PARVG: variants seen among roughly 807,000 people sequenced by gnomAD.
PARVG encodes gamma-parvin.
PARVG carries 36 observed loss-of-function variants against 44.4 expected under a neutral mutation model. The observed-to-expected ratio is 0.81, with a 90% confidence interval of 0.62 to 1.07. The LOEUF (loss-of-function observed/expected upper bound fraction) is 1.07, where lower values mean the gene tolerates loss of function less well. PARVG is among the 50% of genes least tolerant of loss of function. PARVG has a pLI of 0.00. For synonymous variants in PARVG, 170 were observed against 174.1 expected (o/e 0.98, Z 0.19); for missense variants, 407 against 407.4 (o/e 1.00, Z 0.01).
intron 6 of PARVG, among the ~76,000 whole-genome samples, chr22:44,189,683 G>C (rs1051458627): frequency 6.6e-6 from 1 of 152,184 alleles, no homozygotes. Flanking sequence ...TTGGGAGGCC[G>C]AGGCGGGTGG....
At chr22:44,176,368 C>T (rs555268999), upstream of PARVG, among the ~76,000 whole-genome samples, 14 of 152,136 alleles carry the variant, frequency 9.2e-5, no homozygotes, top group South Asian at 4.1e-4. Context: ...GGAATAATGA[C>T]GGAGAAAAAT....
Position 44,207,292 on chromosome 22 carries a change from G to A in PARVG, c.*866G>A. On this transcript the variant is annotated 3_prime_UTR_variant, in exon 14 of 14. Coordinates refer to ENST00000444313, the MANE Select transcript of PARVG (RefSeq NM_022141.7). ...TGGCCGGGAGGGGTGGGACTGATGG[G>A]GAGGGGTGAGGCTGGCGGGGAGGGG... 1 of 90,854 alleles carries A rather than the reference G, an allele frequency of 1.1e-5. No homozygotes were observed. Among genetic ancestry groups the A allele is most frequent in the South Asian group, 4.6e-4 (1 of 2,182 alleles). The allele number at this position is 90,854 out of a possible 1,614,324, so 5.6% of individuals were successfully genotyped here.
intron 4 of PARVG, 78 bp from the exon 5 acceptor site, chr22:44,187,698 G>A: frequency 7.3e-7 from 1 of 1,366,458 alleles, no homozygotes; most frequent in Admixed American, 1.7e-5. Flanking sequence ...GCAGGCGAGA[G>A]GCAGGCATTC....
chr22:44,191,679 G>A (rs747945922), intron 7 of PARVG, among the ~76,000 whole-genome samples: 2 of 152,106 alleles, frequency 1.3e-5, no homozygotes, highest in African/African-American at 2.4e-5. Context: ...GATTACAGGC[G>A]TGAGCCACCA....
chr22:44,198,540 A>C, intron 11 of PARVG, 81 bp from the exon 12 acceptor site: 1 of 1,046,976 alleles, frequency 9.6e-7, no homozygotes, highest in South Asian at 1.3e-5. Context: ...TGACTTCCTT[A>C]GGGCCACACA....
chr22:44,196,265 T>G (rs1168406791), intron 10 of PARVG, 52 bp downstream of exon 10: 4 of 1,612,806 alleles, frequency 2.5e-6, no homozygotes, highest in Non-Finnish European at 3.4e-6. Flanking sequence ...CCCCACCCAC[T>G]GCCCACCTGC....
At chr22:44,204,914 A>T (rs1039849430) in intron 12 of PARVG, among the ~76,000 whole-genome samples, 2 of 152,184 alleles carry the variant, frequency 1.3e-5, no homozygotes, top group African/African-American at 4.8e-5. Context: ...AGAAGCTAGA[A>T]TGGAAAGGGA....
At chr22:44,175,920 G>A (rs1321216867) in intron 1 of PARVG, among the ~76,000 whole-genome samples, 1 of 152,214 alleles carries the variant, frequency 6.6e-6, no homozygotes, top group Non-Finnish European at 1.5e-5. Context: ...CCATGTGGCT[G>A]GTCCTAACAG....
At chr22:44,204,343 G>A (rs902299520) in intron 12 of PARVG, among the ~76,000 whole-genome samples, 7 of 152,150 alleles carry the variant, frequency 4.6e-5, no homozygotes, top group Non-Finnish European at 7.3e-5. Flanking sequence ...TCAATTCTGT[G>A]TCCGTCATCA....
intron 4 of PARVG, chr22:44,186,821 C>A (rs1010195105): frequency 5.2e-6 from 2 of 382,318 alleles, no homozygotes; most frequent in Admixed American, 2.9e-5. Context: ...GCTGGGTACC[C>A]TGGAGCCAGC....
intron 12 of PARVG, among the ~76,000 whole-genome samples, chr22:44,199,787 G>T (rs2054680774): frequency 6.6e-6 from 1 of 152,310 alleles, no homozygotes; most frequent in Middle Eastern, 3.4e-3. Flanking sequence ...ATCAGCAAAG[G>T]CTCAGAATGT....
chr22:44,177,295 T>A (rs182378921), upstream of PARVG, among the ~76,000 whole-genome samples: 1 of 152,326 alleles, frequency 6.6e-6, no homozygotes, highest in Admixed American at 6.5e-5. Context: ...TCTAAATACA[T>A]CAGTGTAGCT....
At chr22:44,180,333 C>G (rs139125), upstream of PARVG, among the ~76,000 whole-genome samples, 89,381 of 152,038 alleles carry the variant, frequency 0.59, 26,534 homozygotes, top group Middle Eastern at 0.63. Flanking sequence ...TTCCTTTAAC[C>G]CTGCCCCAGC....
At chr22:44,205,378 G>A (rs1339358029) in intron 12 of PARVG, among the ~76,000 whole-genome samples, 4 of 152,232 alleles carry the variant, frequency 2.6e-5, no homozygotes, top group African/African-American at 7.2e-5. Context: ...CTCCCTGCCT[G>A]GCGGGACTCA....
rs372979782 is a variant in PARVG at position 44,183,421 on chromosome 22, G to A, written c.79+13G>A. ...GAGCTCTCAAAAGGTGTGTGCCCAC[G>A]CAGGTCTGAGGGTGGAGGGTGAAGG... is the stretch of plus-strand genomic sequence containing the variant. On this transcript the variant is annotated intron_variant, in intron 3 of 13. Coordinates refer to ENST00000444313, the MANE Select transcript of PARVG (RefSeq NM_022141.7). 3.6e-5 allele frequency: 57 copies of A among 1,585,554 alleles called. No individual in the cohort carries two copies. The highest frequency in any genetic ancestry group is 3.0e-4 in the African/African-American group (22 of 74,110).
intron 9 of PARVG, among the ~76,000 whole-genome samples, chr22:44,195,642 G>A (rs565161489): frequency 1.6e-4 from 24 of 152,250 alleles, no homozygotes; most frequent in South Asian, 4.1e-4. Context: ...TCTTGGGGGC[G>A]GGGGGAGGCA....
intron 12 of PARVG, among the ~76,000 whole-genome samples, chr22:44,201,826 G>A (rs2054713929): frequency 6.6e-6 from 1 of 152,240 alleles, no homozygotes; most frequent in Non-Finnish European, 1.5e-5. Flanking sequence ...CTGTGCCACA[G>A]CCTGCCATGT....
At chr22:44,174,558 C>CA (rs202194271) in intron 1 of PARVG, among the ~76,000 whole-genome samples, 222 of 146,274 alleles carry the variant, frequency 1.5e-3, no homozygotes, top group African/African-American at 2.9e-3. Flanking sequence ...AACAAACAAA[C>CA]AAAAAAAAAA....
chr22:44,193,870 G>A (rs1363964161), intron 9 of PARVG, 47 bp downstream of exon 9: 1 of 1,606,898 alleles, frequency 6.2e-7, no homozygotes, highest in African/African-American at 1.3e-5. Flanking sequence ...TCTGATGCGT[G>A]TTAATGCAGA....
Sources: gnomAD v4.1 joint callset for allele counts (sites outside exome capture counted in the v4.1 genomes callset) on GRCh38, gnomAD v4.1.1 for gene constraint, MANE v1.5 for transcripts, NCBI Gene and HGNC (gene_info 2026-07-23, HGNC 2026-07-21) for gene names.